Variants in KCNT2 observed in about 807,000 individuals in gnomAD.
KCNT2 encodes the protein potassium sodium-activated channel subfamily T member 2, also known as potassium channel subfamily T member 2.
In KCNT2, 67 loss-of-function variants were observed where a neutral mutation model predicts 153.8. That is an observed-to-expected ratio of 0.44 (90% confidence interval 0.36 to 0.53). KCNT2 has a LOEUF of 0.53. Ranked by LOEUF, KCNT2 falls within the 20% of genes least tolerant of loss-of-function variation. KCNT2 has a pLI of 0.00. For missense variants in KCNT2, 975 were observed against 1,354.8 expected (o/e 0.72, Z 4.40); for synonymous variants, 500 against 458.8 (o/e 1.09, Z -1.15).
intron 25 of KCNT2, among the ~76,000 whole-genome samples, chr1:196,260,150 C>T (rs772427242): frequency 3.3e-5 from 5 of 151,572 alleles, no homozygotes; most frequent in Non-Finnish European, 7.4e-5. Context: ...CTTTTTGTTC[C>T]TCTTTCTAGT....
intron 12 of KCNT2, among the ~76,000 whole-genome samples, chr1:196,401,459 T>C (rs905961150): frequency 3.3e-5 from 5 of 151,612 alleles, no homozygotes; most frequent in African/African-American, 1.2e-4. Flanking sequence ...AGTAATGTAA[T>C]GAAAAACATG....
intron 26 of KCNT2, chr1:196,257,373 C>G: frequency 9.2e-6 from 9 of 978,580 alleles, no homozygotes; most frequent in Non-Finnish European, 1.1e-5. Flanking sequence ...CAATAATAAA[C>G]AAGAGAAAAG....
chr1:196,563,451 G>GA (rs1659683373), intron 1 of KCNT2, among the ~76,000 whole-genome samples: 3 of 80,290 alleles, frequency 3.7e-5, no homozygotes, highest in South Asian at 4.3e-4. Context: ...AAAAAAAAAA[G>GA]AAAAAAGAAA....
At chr1:196,386,761 A>C (rs1317767575) in intron 13 of KCNT2, among the ~76,000 whole-genome samples, 1 of 152,144 alleles carries the variant, frequency 6.6e-6, no homozygotes, top group Non-Finnish European at 1.5e-5. Flanking sequence ...AGAAGGATTT[A>C]GCTATTGACA....
At chr1:196,455,151 A>G (rs145750257) in intron 8 of KCNT2, among the ~76,000 whole-genome samples, 3 of 151,894 alleles carry the variant, frequency 2.0e-5, no homozygotes, top group African/African-American at 7.2e-5. Flanking sequence ...CATTTATTTG[A>G]CGCCAGCCCC....
At chr1:196,446,379 A>G (rs1675688985) in intron 8 of KCNT2, among the ~76,000 whole-genome samples, 3 of 151,436 alleles carry the variant, frequency 2.0e-5, no homozygotes, top group Non-Finnish European at 4.4e-5. Flanking sequence ...ATAGAATAAC[A>G]AACCCATGAT....
chr1:196,566,159 C>A (rs142517669), intron 1 of KCNT2, among the ~76,000 whole-genome samples: 13 of 152,008 alleles, frequency 8.6e-5, no homozygotes, highest in African/African-American at 3.1e-4. Context: ...GACAGGAGAT[C>A]ACTAAAGATC....
chr1:196,408,029 T>C (rs1357475075), intron 12 of KCNT2, among the ~76,000 whole-genome samples: 3 of 151,418 alleles, frequency 2.0e-5, no homozygotes, highest in African/African-American at 7.3e-5. Flanking sequence ...ATTCTTTCTC[T>C]GCTCCTTTGG....
chr1:196,569,639 T>G (rs1312267222), intron 1 of KCNT2, among the ~76,000 whole-genome samples: 1 of 152,096 alleles, frequency 6.6e-6, no homozygotes, highest in African/African-American at 2.4e-5. Flanking sequence ...AAAACAGTGC[T>G]GAGGGAGTTC....
intron 1 of KCNT2, among the ~76,000 whole-genome samples, chr1:196,546,996 C>A (rs184176078): frequency 6.6e-6 from 1 of 151,854 alleles, no homozygotes; most frequent in East Asian, 1.9e-4. Context: ...AAAAAAAAAT[C>A]AATGCCTGAA....
At chr1:196,258,012 T>C (rs1656666092) in intron 26 of KCNT2, 182 bp downstream of exon 26, 1 of 1,408,504 alleles carries the variant, frequency 7.1e-7, no homozygotes, top group African/African-American at 1.4e-5. Context: ...GCTGAAAATT[T>C]TTAGCATTTT....
At chr1:196,385,285 T>G (rs761603403) in intron 13 of KCNT2, among the ~76,000 whole-genome samples, 1 of 152,150 alleles carries the variant, frequency 6.6e-6, no homozygotes, top group African/African-American at 2.4e-5. Context: ...ATCCACACAC[T>G]ATTTTTGACC....
At chr1:196,550,436 A>G (rs1657742239) in intron 1 of KCNT2, among the ~76,000 whole-genome samples, 1 of 151,950 alleles carries the variant, frequency 6.6e-6, no homozygotes, top group African/African-American at 2.4e-5. Flanking sequence ...TCACTCTGTC[A>G]GAAAAATGTA....
chr1:196,232,436 A>G (rs546598731), intron 27 of KCNT2, among the ~76,000 whole-genome samples: 12 of 151,862 alleles, frequency 7.9e-5, no homozygotes, highest in African/African-American at 2.9e-4. Flanking sequence ...AAAACCTATG[A>G]GTCCAATAAA....
At chr1:196,316,389 C>T (rs986585209) in intron 20 of KCNT2, among the ~76,000 whole-genome samples, 1 of 151,580 alleles carries the variant, frequency 6.6e-6, no homozygotes, top group African/African-American at 2.4e-5. Flanking sequence ...ACTTCAAAGA[C>T]ACATTTACTT....
chr1:196,285,170 G>A (rs1659539645), intron 23 of KCNT2, among the ~76,000 whole-genome samples: 2 of 152,160 alleles, frequency 1.3e-5, no homozygotes, highest in South Asian at 4.1e-4. Context: ...GGTTTTAGTT[G>A]TTGTAGTCTT....
At chr1:196,300,033 A>G (rs992010924) in intron 22 of KCNT2, among the ~76,000 whole-genome samples, 2 of 152,176 alleles carry the variant, frequency 1.3e-5, no homozygotes, top group African/African-American at 4.8e-5. Flanking sequence ...AGTCTGAAAA[A>G]CCTTTAGTCT....
At chr1:196,594,337 T>G (rs1198317563) in intron 1 of KCNT2, among the ~76,000 whole-genome samples, 1 of 152,180 alleles carries the variant, frequency 6.6e-6, no homozygotes, top group East Asian at 1.9e-4. Context: ...TGCCTAGGCT[T>G]AGAATGAACA....
chr1:196,272,679 A>G (rs149678947), intron 25 of KCNT2, among the ~76,000 whole-genome samples: 1 of 152,052 alleles, frequency 6.6e-6, no homozygotes, highest in African/African-American at 2.4e-5. Flanking sequence ...GATGTGTAGA[A>G]AAGACCAAAA....
Sources: gnomAD v4.1 joint callset for allele counts (sites outside exome capture counted in the v4.1 genomes callset) on GRCh38, gnomAD v4.1.1 for gene constraint, MANE v1.5 for transcripts, NCBI Gene and HGNC (gene_info 2026-07-23, HGNC 2026-07-21) for gene names.